CCSER1: variants seen among roughly 807,000 people sequenced by gnomAD.
CCSER1 encodes serine-rich coiled-coil domain-containing protein 1.
CCSER1 carries 41 observed loss-of-function variants against 82.0 expected under a neutral mutation model. The ratio of observed to expected loss-of-function variants is 0.50; its 90% CI spans 0.39 to 0.65. The LOEUF (loss-of-function observed/expected upper bound fraction) is 0.65, where lower values mean the gene tolerates loss of function less well. CCSER1 is among the 30% of genes least tolerant of loss of function. CCSER1 has a pLI of 0.00. For synonymous variants in CCSER1, 414 were observed against 383.9 expected, an observed-to-expected ratio of 1.08 and a Z score of -0.92; for missense variants, 1,119 against 1,064.2, an observed-to-expected ratio of 1.05 and a Z score of -0.72.
intron 10 of CCSER1, among the ~76,000 whole-genome samples, chr4:91,377,061 C>A (rs1440875806): frequency 3.3e-5 from 5 of 152,096 alleles, no homozygotes; most frequent in Admixed American, 2.6e-4. Context: ...CATCCATGTC[C>A]CTACAAAGGA....
At chr4:90,413,948 C>CAAAAAAAAA (rs570689214) in intron 4 of CCSER1, among the ~76,000 whole-genome samples, 1 of 22,358 alleles carries the variant, frequency 4.5e-5, no homozygotes, top group Non-Finnish European at 9.0e-5. Context: ...GACACCGTCT[C>CAAAAAAAAA]AAAAAAAAAA....
intron 1 of CCSER1, among the ~76,000 whole-genome samples, chr4:90,276,242 C>CT (rs1318015414): frequency 2.7e-5 from 3 of 112,892 alleles, no homozygotes; most frequent in Non-Finnish European, 5.4e-5. Flanking sequence ...TTCTTTCTTT[C>CT]TTTCTTTCTT....
chr4:91,560,506 C>A (rs760757222), intron 10 of CCSER1, among the ~76,000 whole-genome samples: 1 of 151,406 alleles, frequency 6.6e-6, no homozygotes, highest in Admixed American at 6.6e-5. Context: ...AACATTTGTT[C>A]ATTAATAGCT....
At chr4:91,004,745 A>G (rs1738353037) in intron 9 of CCSER1, among the ~76,000 whole-genome samples, 1 of 152,204 alleles carries the variant, frequency 6.6e-6, no homozygotes, top group South Asian at 2.1e-4. Flanking sequence ...ATATTTCTCA[A>G]TTCAATGTTT....
rs1732103848 is a variant in CCSER1 at position 90,945,310 on chromosome 4, A to C, written c.2172+21863A>C. ...TTATTTTTTCATTTGCTATTTATGC[A>C]GAATTAGCCCTGATAGAATAATAAC... On this transcript the variant is annotated intron_variant, in intron 9 of 10. Transcript: ENST00000509176. Among the ~76,000 whole-genome samples, 4 of 152,310 alleles carry C rather than the reference A, an allele frequency of 2.6e-5. No homozygotes were observed. In the South Asian group the frequency reaches 8.3e-4, roughly 32 times the overall value.
At chr4:90,393,182 A>T (rs1240305338) in intron 3 of CCSER1, among the ~76,000 whole-genome samples, 1 of 152,184 alleles carries the variant, frequency 6.6e-6, no homozygotes, top group African/African-American at 2.4e-5. Flanking sequence ...ACTTAAGGAC[A>T]CTTACCTAAT....
At chr4:90,882,007 C>A (rs936484755) in intron 8 of CCSER1, among the ~76,000 whole-genome samples, 7 of 151,874 alleles carry the variant, frequency 4.6e-5, no homozygotes, top group Admixed American at 3.9e-4. Flanking sequence ...CTACATTAAA[C>A]CCTTGGAATC....
chr4:90,762,550 A>G (rs1750569068), intron 7 of CCSER1, among the ~76,000 whole-genome samples: 1 of 152,098 alleles, frequency 6.6e-6, no homozygotes, highest in East Asian at 1.9e-4. Flanking sequence ...ACTACCAACC[A>G]AAACAGTTCT....
At chr4:90,129,292 C>A (rs184993987) in intron 1 of CCSER1, among the ~76,000 whole-genome samples, 4 of 152,312 alleles carry the variant, frequency 2.6e-5, no homozygotes, top group Admixed American at 6.5e-5. Context: ...TAAGGGAAGA[C>A]CTAAAATACT....
At chr4:90,964,175 A>G (rs1734310926) in intron 9 of CCSER1, among the ~76,000 whole-genome samples, 1 of 152,172 alleles carries the variant, frequency 6.6e-6, no homozygotes, top group Non-Finnish European at 1.5e-5. Flanking sequence ...GCAGTTGCTT[A>G]AAGTTTTCTG....
At chr4:90,361,550 T>C (rs1745376818) in intron 3 of CCSER1, among the ~76,000 whole-genome samples, 1 of 152,176 alleles carries the variant, frequency 6.6e-6, no homozygotes, top group African/African-American at 2.4e-5. Flanking sequence ...AAGTTTGTTA[T>C]ATGCATATAT....
chr4:90,409,050 T>C (rs1262059500), intron 4 of CCSER1, among the ~76,000 whole-genome samples: 1 of 151,714 alleles, frequency 6.6e-6, no homozygotes, highest in Non-Finnish European at 1.5e-5. Context: ...ACAAAATGAA[T>C]GAAATAAAGT....
intron 5 of CCSER1, among the ~76,000 whole-genome samples, chr4:90,561,523 A>G (rs1778759537): frequency 6.6e-6 from 1 of 152,250 alleles, no homozygotes; most frequent in Admixed American, 6.5e-5. Flanking sequence ...TATCAATCAT[A>G]ACTTATGCTC....
At chr4:91,474,070 C>G (rs1280271840) in intron 10 of CCSER1, among the ~76,000 whole-genome samples, 1 of 152,016 alleles carries the variant, frequency 6.6e-6, no homozygotes, top group Non-Finnish European at 1.5e-5. Context: ...AACAAATGCT[C>G]TATTGCTGTA....
At chr4:91,386,225 TA>T (rs1044926478) in intron 10 of CCSER1, among the ~76,000 whole-genome samples, 12 of 151,968 alleles carry the variant, frequency 7.9e-5, no homozygotes, top group Admixed American at 6.6e-4. Flanking sequence ...TGATGTCAGA[TA>T]ATAAATGTTG....
At chr4:90,339,974 A>G (rs72881639) in intron 3 of CCSER1, among the ~76,000 whole-genome samples, 5 of 152,158 alleles carry the variant, frequency 3.3e-5, no homozygotes, top group South Asian at 4.1e-4. Context: ...CATGGAATAC[A>G]TATTAAGCAA....
At chr4:90,670,155 A>G (rs897682149) in intron 6 of CCSER1, among the ~76,000 whole-genome samples, 4 of 152,166 alleles carry the variant, frequency 2.6e-5, no homozygotes, top group Admixed American at 2.0e-4. Context: ...GATGGAATCT[A>G]TTAAAGTCTC....
At chr4:90,713,482 C>T (rs1741034536) in intron 6 of CCSER1, among the ~76,000 whole-genome samples, 1 of 151,996 alleles carries the variant, frequency 6.6e-6, no homozygotes, top group Non-Finnish European at 1.5e-5. Flanking sequence ...CCACTCTCTT[C>T]TGGCTTGTAG....
At chr4:91,095,276 G>T (rs999527598) in intron 10 of CCSER1, among the ~76,000 whole-genome samples, 3 of 152,036 alleles carry the variant, frequency 2.0e-5, no homozygotes, top group Non-Finnish European at 4.4e-5. Flanking sequence ...CCTTTAGTTG[G>T]AGACACTTAT....
Sources: gnomAD v4.1 joint callset for allele counts (sites outside exome capture counted in the v4.1 genomes callset) on GRCh38, gnomAD v4.1.1 for gene constraint, MANE v1.5 for transcripts, NCBI Gene and HGNC (gene_info 2026-07-23, HGNC 2026-07-21) for gene names.